Variants in TBC1D24 observed in about 807,000 individuals in gnomAD.
TBC1D24 encodes TBC1 domain family member 24.
TBC1D24 carries 47 observed loss-of-function variants against 50.7 expected under a neutral mutation model. The ratio of observed to expected loss-of-function variants is 0.93; its 90% confidence interval spans 0.73 to 1.18. TBC1D24 has a LOEUF of 1.18. TBC1D24 is among the 50% of genes most tolerant of loss of function. The pLI, the probability that TBC1D24 is intolerant of heterozygous loss-of-function variation, is 0.00. For missense variants in TBC1D24, 688 were observed against 766.5 expected (o/e 0.90, Z 1.21); for synonymous variants, 324 against 335.2 (o/e 0.97, Z 0.36).
intron 1 of TBC1D24, among the ~76,000 whole-genome samples, chr16:2,489,011 A>G (rs2141862443): frequency 6.7e-6 from 1 of 149,234 alleles, no homozygotes; most frequent in East Asian, 2.0e-4. Flanking sequence ...CAGAGGTTGC[A>G]GTGTGCCGAG....
chr16:2,483,597 G>A lies in TBC1D24; in HGVS notation c.-116+8427G>A, dbSNP rs368148413. 6.6e-6 allele frequency: 1 copy of A among 152,420 alleles called. No individual in the cohort carries two copies. The highest frequency in any genetic ancestry group is 2.4e-5 in the African/African-American group (1 of 41,424). The allele number at this position is 152,420 out of a possible 1,614,324, so 9.4% of individuals were successfully genotyped here. On this transcript the variant is annotated intron_variant, in intron 1 of 7. Coordinates refer to ENST00000646147, the MANE Select transcript of TBC1D24 (RefSeq NM_001199107.2). This position sits in a 1 kb window ranked among gnomAD's most constrained non-coding sequence, Gnocchi z 4.0. The stretch of plus-strand genomic sequence containing the variant: ...GAATGCCCGGGGACTGGATAAAAAG[G>A]TAGAGATGTAAAGGCTTTTAAAGTT...
rs1426893614 is a variant in TBC1D24, at chr16:2,505,487, A to C, written c.*4529A>C. On this transcript the variant is annotated 3_prime_UTR_variant, in exon 8 of 8. Coordinates refer to ENST00000646147, the MANE Select transcript of TBC1D24 (RefSeq NM_001199107.2). ...GCTTATGAGCTAAGGATAGAAGGGA[A>C]AAAATAGTTGTGTGAATGATTTTAC... The C allele has an allele frequency of 6.6e-6, 1 of 152,218 alleles. No individual in the cohort carries two copies. The highest frequency in any genetic ancestry group is 1.5e-5 in the Non-Finnish European group (1 of 68,040). 9.4% of individuals were successfully genotyped at this position (152,218 alleles called of 1,614,324 possible).
chr16:2,498,166 G>A, intron 3 of TBC1D24, 72 bp from the exon 4 acceptor site: 1 of 1,533,156 alleles, frequency 6.5e-7, no homozygotes, highest in South Asian at 1.2e-5. Flanking sequence ...AGAGGCTCTG[G>A]GGCATACCTC....
rs2065788313 is a variant in TBC1D24 at position 2,500,915 on chromosome 16, C to T, written c.1637C>T (p.Ala546Val). The change falls in exon 8 of 8, where the codon GCT becomes GTT. Residue 546 changes from alanine to valine, a missense_variant. Coordinates refer to ENST00000646147, the MANE Select transcript of TBC1D24 (RefSeq NM_001199107.2). This position sits in a 1 kb window ranked among gnomAD's most constrained non-coding sequence, Gnocchi z 8.0. ...CTCTGCTCCGAGAACTTCCTCATTG[C>T]TGCCGTGGAGGCCTGGGGCTTCCAG... The part of the protein sequence containing the change: ...QPLCSENFLI[A>V]AVEAWGFQDP... 1 of 1,612,818 alleles carries T rather than the reference C, an allele frequency of 6.2e-7. No homozygotes were observed. The highest frequency in any genetic ancestry group is 8.5e-7 in the Non-Finnish European group (1 of 1,179,966).
Position 2,499,973 on chromosome 16 carries a change from T to C in TBC1D24, c.1302+43T>C, listed in dbSNP as rs1312214988. 2 of 1,569,638 alleles carry C rather than the reference T, an allele frequency of 1.3e-6. No individual in the cohort carries two copies. The highest frequency in any genetic ancestry group is 1.7e-5 in the Admixed American group (1 of 59,982). On this transcript the variant is annotated intron_variant, in intron 6 of 7. Transcript: ENST00000646147. This position sits in a 1 kb window ranked among gnomAD's most constrained non-coding sequence, Gnocchi z 4.0. ...TCCCCAAACCCCCACGCAGACCCTG[T>C]AGCTGCATCCCTCCAGGAGCACCCG...
intron 1 of TBC1D24, 47 bp from the exon 2 acceptor site, chr16:2,495,987 G>A: frequency 1.1e-6 from 1 of 898,228 alleles, no homozygotes; most frequent in South Asian, 1.7e-5. Flanking sequence ...TCTTTAAAAT[G>A]TGAACCTTGA....
Position 2,501,063 on chromosome 16 carries a change from T to C in TBC1D24, c.*105T>C, listed in dbSNP as rs1045978559. The C allele has an allele frequency of 6.8e-7, 1 of 1,471,714 alleles. No homozygotes were observed. The highest frequency in any genetic ancestry group is 1.9e-5 in the Admixed American group (1 of 51,492). 91.2% of individuals were successfully genotyped at this position (1,471,714 alleles called of 1,614,324 possible). A position where few individuals can be genotyped will look rare whatever the true frequency, so the allele number is the denominator to read the frequency against. On this transcript the variant is annotated 3_prime_UTR_variant, in exon 8 of 8. Coordinates refer to ENST00000646147, the MANE Select transcript of TBC1D24 (RefSeq NM_001199107.2). ...TGAAACCCCCATGTGGTAGGCAGGG[T>C]TGGGGGACGGCAGGACCCCATGGCC...
In TBC1D24 at chr16:2,500,984, G is replaced by A. The variant is rs574998312; in HGVS notation, c.*26G>A. 26 of 1,605,894 alleles carry A rather than the reference G, an allele frequency of 1.6e-5. No homozygotes were observed. The highest frequency in any genetic ancestry group is 7.7e-5 in the South Asian group (7 of 91,026). On this transcript the variant is annotated 3_prime_UTR_variant, in exon 8 of 8. Transcript: ENST00000646147. This position sits in a 1 kb window ranked among gnomAD's most constrained non-coding sequence, Gnocchi z 8.0. ...CGGCCTGTGCCACGGTGACTGAGCCGTGGTGGGGCGGTGGGCCGAGGCTGG... is the reference window on the plus strand; with the variant it reads ...CGGCCTGTGCCACGGTGACTGAGCCATGGTGGGGCGGTGGGCCGAGGCTGG...
Position 2,499,485 on chromosome 16 carries a change from C to T in TBC1D24, c.1206+65C>T. Reference sequence around the variant, plus strand: ...CTCCAGGGCTGGCTCTGATGGGCTCCAGGGCTGGCTCTGATGGGCTTCAGG... The same window carrying T: ...CTCCAGGGCTGGCTCTGATGGGCTCTAGGGCTGGCTCTGATGGGCTTCAGG... On this transcript the variant is annotated intron_variant, in intron 5 of 7. Transcript: ENST00000646147. This position sits in a 1 kb window ranked among gnomAD's most constrained non-coding sequence, Gnocchi z 4.0. The T allele has an allele frequency of 6.8e-7, 1 of 1,474,090 alleles. No individual in the cohort carries two copies. Among genetic ancestry groups the T allele is most frequent in the Non-Finnish European group, 9.4e-7 (1 of 1,063,746 alleles). The allele number at this position is 1,474,090 out of a possible 1,614,324, so 91.3% of individuals were successfully genotyped here. A position where few individuals can be genotyped will look rare whatever the true frequency, so the allele number is the denominator to read the frequency against.
At chr16:2,484,853 A>C (rs1476120448) in intron 1 of TBC1D24, 1 of 152,300 alleles carries the variant, frequency 6.6e-6, no homozygotes. Flanking sequence ...GGCCTTTCCC[A>C]GCACGTAGGT....
At chr16:2,494,985 G>A (rs1221304378) in intron 1 of TBC1D24, among the ~76,000 whole-genome samples, 1 of 150,962 alleles carries the variant, frequency 6.6e-6, no homozygotes, top group African/African-American at 2.5e-5. Context: ...CAACCTGGGT[G>A]ACAGAACAAG....
At chr16:2,490,653 G>T (rs554266774) in intron 1 of TBC1D24, among the ~76,000 whole-genome samples, 4 of 152,340 alleles carry the variant, frequency 2.6e-5, no homozygotes, top group African/African-American at 9.6e-5. Context: ...GGGAACTGTT[G>T]CCCGTGAGGA....
Position 2,498,237 on chromosome 16 carries a change from G to C in TBC1D24, c.984-1G>C. On this transcript the variant is annotated splice_acceptor_variant, in intron 3 of 7. Coordinates refer to ENST00000646147, the MANE Select transcript of TBC1D24 (RefSeq NM_001199107.2). LOFTEE classifies it high-confidence loss of function. ...CTCTGACCCCTGCTCGCTCCCCTCA[G>C]GCAGTTTGTACACTTGGCCGTCCAT... 2 of 1,605,606 alleles carry C rather than the reference G, an allele frequency of 1.2e-6. No individual in the cohort carries two copies. Among genetic ancestry groups the C allele is most frequent in the Non-Finnish European group, 1.7e-6 (2 of 1,175,874 alleles).
rs1306687964 is a variant in TBC1D24, at chr16:2,482,477, A to G, written c.-116+7307A>G. ...ACAGGTGTCTCCTGCCACTCTGAACAGTGACATTCCCACAGTGTAGTGTGG... is the reference window on the plus strand; with the variant it reads ...ACAGGTGTCTCCTGCCACTCTGAACGGTGACATTCCCACAGTGTAGTGTGG... On this transcript the variant is annotated intron_variant, in intron 1 of 7. Coordinates refer to ENST00000646147, the MANE Select transcript of TBC1D24 (RefSeq NM_001199107.2). The surrounding 1 kb of genome is among the most constrained non-coding windows in gnomAD (Gnocchi z 5.2). Among the ~76,000 whole-genome samples the G allele has an allele frequency of 6.6e-6, 1 of 152,198 alleles. No homozygotes were observed. Among genetic ancestry groups the G allele is most frequent in the East Asian group, 1.9e-4 (1 of 5,194 alleles).
rs2141882006 is a variant in TBC1D24 at position 2,504,289 on chromosome 16, G to A, written c.*3331G>A. ...ATTTTGAAGTAATTTTTGATTTGCA[G>A]AAGAGTTGCAGAGACGGTACAGGGT... On this transcript the variant is annotated 3_prime_UTR_variant, in exon 8 of 8. Transcript: ENST00000646147. The A allele has an allele frequency of 6.6e-6, 1 of 152,144 alleles. No individual in the cohort carries two copies. Among genetic ancestry groups the A allele is most frequent in the East Asian group, 1.9e-4 (1 of 5,184 alleles). 9.4% of individuals were successfully genotyped at this position (152,144 alleles called of 1,614,324 possible).
Position 2,475,906 on chromosome 16 carries a change from T to C in TBC1D24, c.-116+736T>C, listed in dbSNP as rs922878860. Among the ~76,000 whole-genome samples the C allele has an allele frequency of 6.6e-6, 1 of 152,220 alleles. No individual in the cohort carries two copies. Among genetic ancestry groups the C allele is most frequent in the Non-Finnish European group, 1.5e-5 (1 of 68,028 alleles). Reference sequence around the variant, plus strand: ...CCGTGCCCCGCAGGGAAACGCGCTGTGGCCCCCGGGTTACTGCTTGCGGGG... The same window carrying C: ...CCGTGCCCCGCAGGGAAACGCGCTGCGGCCCCCGGGTTACTGCTTGCGGGG... On this transcript the variant is annotated intron_variant, in intron 1 of 7. Coordinates refer to ENST00000646147, the MANE Select transcript of TBC1D24 (RefSeq NM_001199107.2). The surrounding 1 kb of genome is among the most constrained non-coding windows in gnomAD (Gnocchi z 4.2).
rs756581138 is a variant in TBC1D24, at chr16:2,496,359, G to A, written c.211G>A (p.Ala71Thr). 8.7e-6 allele frequency: 14 copies of A among 1,613,448 alleles called. No homozygotes were observed. Among genetic ancestry groups the A allele is most frequent in the Non-Finnish European group, 1.1e-5 (13 of 1,180,020 alleles). ...TCCCTGCCGCACGGTCACGCCTGAC[G>A]CCAGCGTGTACAGCGACATCGTGGG... Reference protein sequence around the residue: ...DIPCRTVTPDASVYSDIVGKI... With the variant: ...DIPCRTVTPDTSVYSDIVGKI... Residue 71 changes from alanine to threonine, a missense_variant, in exon 2 of 8, where the codon GCC becomes ACC. Transcript: ENST00000646147.
intron 1 of TBC1D24, chr16:2,478,592 G>A (rs1187545328): frequency 6.6e-6 from 1 of 152,308 alleles, no homozygotes; most frequent in Middle Eastern, 3.2e-3. Flanking sequence ...GGTCTTCCCA[G>A]GAGAATGTGC....
chr16:2,491,267 G>C (rs2065692809), intron 1 of TBC1D24, among the ~76,000 whole-genome samples: 1 of 152,122 alleles, frequency 6.6e-6, no homozygotes, highest in Non-Finnish European at 1.5e-5. Context: ...GGTACTATTT[G>C]ACTTTTTGTG....
Sources: allele counts gnomAD v4.1 joint callset (sites outside exome capture counted in the v4.1 genomes callset), GRCh38; gene constraint gnomAD v4.1.1; non-coding constraint Gnocchi (gnomAD v3.1); transcripts MANE v1.5; gene names NCBI Gene and HGNC (gene_info 2026-07-23, HGNC 2026-07-21).